Variants in U2AF2 observed in about 807,000 individuals in gnomAD.
U2AF2 encodes the protein splicing factor U2AF 65 kDa subunit.
U2AF2 carries 6 observed loss-of-function variants against 52.6 expected under a neutral mutation model. The observed-to-expected ratio is 0.11, with a 90% CI of 0.06 to 0.23. U2AF2 has a LOEUF of 0.23. Among genes scored for constraint, U2AF2 ranks in the 10% least tolerant of loss-of-function variants. U2AF2 has a pLI of 1.00. For synonymous variants in U2AF2, 284 were observed against 258.2 expected (o/e 1.10, Z -0.96); for missense variants, 222 against 677.1 (o/e 0.33, Z 7.46).
rs1160671715 is a variant in U2AF2 at position 55,660,891 on chromosome 19, G to A, written c.335-147G>A. The A allele has an allele frequency of 1.6e-5, 22 of 1,349,474 alleles. No homozygotes were observed. In the East Asian group the frequency reaches 1.8e-4, roughly 11 times the overall value. 83.6% of individuals were successfully genotyped at this position (1,349,474 alleles called of 1,614,324 possible). ...GCAGCAGTTACTGGGTGGGGGCCCC[G>A]AGGGTGGAAAGAGGGTTCTGGAAGG... On this transcript the variant is annotated intron_variant, in intron 4 of 11. Coordinates refer to ENST00000308924, the MANE Select transcript of U2AF2 (RefSeq NM_007279.3).
chr19:55,658,583 CT>C (rs949500682), intron 1 of U2AF2, among the ~76,000 whole-genome samples: 4 of 152,156 alleles, frequency 2.6e-5, no homozygotes, highest in African/African-American at 9.7e-5. Flanking sequence ...AGCTCCTCCC[CT>C]GACCTGCTGA....
intron 1 of U2AF2, among the ~76,000 whole-genome samples, chr19:55,656,391 C>T (rs774068151): frequency 1.3e-5 from 2 of 152,208 alleles, no homozygotes; most frequent in Non-Finnish European, 2.9e-5. Flanking sequence ...CTGACTCTGT[C>T]TTAGTTGATG....
chr19:55,671,477 C>T (rs1423738066), intron 11 of U2AF2: 1 of 152,138 alleles, frequency 6.6e-6, no homozygotes, highest in Non-Finnish European at 1.5e-5. Context: ...CTGGACAGGT[C>T]TGTGTTCCCA....
intron 11 of U2AF2, among the ~76,000 whole-genome samples, chr19:55,672,635 A>G (rs923075902): frequency 3.3e-5 from 5 of 152,132 alleles, no homozygotes; most frequent in African/African-American, 1.2e-4. Context: ...ACCTTAAAAA[A>G]TTGTTTTGTT....
chr19:55,667,577 A>G (rs1213469036), intron 7 of U2AF2, among the ~76,000 whole-genome samples: 3 of 152,094 alleles, frequency 2.0e-5, no homozygotes, highest in East Asian at 3.9e-4. Context: ...CCACTCTGGT[A>G]TGTCAGCCCT....
At chr19:55,658,757 T>C (rs1983962872) in intron 1 of U2AF2, 1 of 156,326 alleles carries the variant, frequency 6.4e-6, no homozygotes, top group African/African-American at 2.4e-5. Context: ...ACCTGACCCC[T>C]AGTCCTGATG....
At chr19:55,669,363 G>A in intron 10 of U2AF2, 81 bp from the exon 11 acceptor site, 4 of 1,544,012 alleles carry the variant, frequency 2.6e-6, no homozygotes, top group Non-Finnish European at 3.5e-6. Context: ...CCCTGGGGGG[G>A]CATGTGAGGG....
At chr19:55,660,714 A>G in intron 4 of U2AF2, 95 bp downstream of exon 4, 1 of 1,239,910 alleles carries the variant, frequency 8.1e-7, no homozygotes, top group Non-Finnish European at 1.1e-6. Flanking sequence ...GGAGGGGGTC[A>G]AAGACACAGG....
At chr19:55,658,285 T>C (rs945920258) in intron 1 of U2AF2, among the ~76,000 whole-genome samples, 7 of 151,974 alleles carry the variant, frequency 4.6e-5, no homozygotes, top group South Asian at 4.2e-4. Context: ...GTGGCGGTGC[T>C]CATGAACCCC....
intron 7 of U2AF2, among the ~76,000 whole-genome samples, chr19:55,664,512 G>C (rs183859555): frequency 3.9e-5 from 6 of 152,210 alleles, no homozygotes; most frequent in Admixed American, 3.9e-4. Flanking sequence ...GGGAGGGCTT[G>C]TCTGATGCCC....
chr19:55,661,072 C>T lies in U2AF2; in HGVS notation c.369C>T (p.Pro123=). The change falls in exon 5 of 12, where the codon CCC becomes CCT. Residue 123 remains proline, a synonymous_variant. Coordinates refer to ENST00000308924, the MANE Select transcript of U2AF2 (RefSeq NM_007279.3). The part of the protein sequence containing the change: ...AGQIPATALL[P]TMTPDGLAVT... Reference sequence around the variant, plus strand: ...AGATTCCAGCCACTGCTCTTCTCCCCACCATGACCCCTGACGGTCTGGCTG... The same window carrying T: ...AGATTCCAGCCACTGCTCTTCTCCCTACCATGACCCCTGACGGTCTGGCTG... 1.9e-6 allele frequency: 3 copies of T among 1,598,794 alleles called. No individual in the cohort carries two copies. The highest frequency in any genetic ancestry group is 2.6e-6 in the Non-Finnish European group (3 of 1,168,010).
chr19:55,669,779 C>G, intron 11 of U2AF2, 87 bp downstream of exon 11: 6 of 1,464,482 alleles, frequency 4.1e-6, no homozygotes, highest in Non-Finnish European at 4.5e-6. Context: ...CTCCCTCACC[C>G]TCTCCCCCTC....
chr19:55,657,856 C>G (rs980513703), intron 1 of U2AF2, among the ~76,000 whole-genome samples: 3 of 152,166 alleles, frequency 2.0e-5, no homozygotes, highest in African/African-American at 7.2e-5. Flanking sequence ...TGTGATCTCT[C>G]TATACCTTAG....
intron 1 of U2AF2, 53 bp from the exon 2 acceptor site, chr19:55,659,157 G>T (rs914755494): frequency 2.7e-6 from 4 of 1,466,846 alleles, no homozygotes; most frequent in Non-Finnish European, 3.6e-6. Context: ...GGGTGGGCTG[G>T]GCCCGCATCC....
chr19:55,674,057 G>C lies in U2AF2; in HGVS notation c.1417G>C (p.Asp473His), dbSNP rs1985115726. The part of the protein sequence containing the change: ...YCDPDSYHRR[D>H]FW ...TGACCCCGACTCTTATCACCGCCGGGACTTCTGGTAGAGGCGGCTGGGGGA... is the reference window on the plus strand; with the variant it reads ...TGACCCCGACTCTTATCACCGCCGGCACTTCTGGTAGAGGCGGCTGGGGGA... Residue 473 changes from aspartate to histidine, a missense_variant, in exon 12 of 12, where the codon GAC becomes CAC. Asp to His is a moderately conservative substitution (Grantham distance 81). This residue lies in a region of U2AF2 where 71 missense variants were observed against 180.6 expected (regional missense o/e 0.39). Coordinates refer to ENST00000308924, the MANE Select transcript of U2AF2 (RefSeq NM_007279.3). The C allele has an allele frequency of 6.8e-7, 1 of 1,473,040 alleles. No individual in the cohort carries two copies. Among genetic ancestry groups the C allele is most frequent in the East Asian group, 3.0e-5 (1 of 33,290 alleles). 91.2% of individuals were successfully genotyped at this position (1,473,040 alleles called of 1,614,324 possible). A position where few individuals can be genotyped will look rare whatever the true frequency, so the allele number is the denominator to read the frequency against.
chr19:55,664,534 G>A (rs1026860729), intron 7 of U2AF2, among the ~76,000 whole-genome samples: 9 of 152,182 alleles, frequency 5.9e-5, no homozygotes, highest in African/African-American at 1.9e-4. Flanking sequence ...GTCAGGGTGC[G>A]GCTGTGTCTC....
chr19:55,669,814 C>T lies in U2AF2; in HGVS notation c.1293+122C>T. The T allele has an allele frequency of 3.7e-6, 5 of 1,363,282 alleles. No individual in the cohort carries two copies. In the South Asian group the frequency reaches 4.6e-5, roughly 12 times the overall value. The allele number at this position is 1,363,282 out of a possible 1,614,324, so 84.4% of individuals were successfully genotyped here. A position where few individuals can be genotyped will look rare whatever the true frequency, so the allele number is the denominator to read the frequency against. ...CCTCTTCTCCGCGCGCTCTTTCTTC[C>T]TCTCTCTCTCCTCTCGCAGCGCGTG... is the stretch of plus-strand genomic sequence containing the variant. On this transcript the variant is annotated intron_variant, in intron 11 of 11. Coordinates refer to ENST00000308924, the MANE Select transcript of U2AF2 (RefSeq NM_007279.3).
chr19:55,667,056 A>G (rs1403288287), intron 7 of U2AF2, among the ~76,000 whole-genome samples: 1 of 152,080 alleles, frequency 6.6e-6, no homozygotes, highest in Non-Finnish European at 1.5e-5. Flanking sequence ...GGCTGCTGCT[A>G]CTTGTCCCTG....
chr19:55,661,499 GACACACACACACACACACACACACAC>G (rs59262812), intron 5 of U2AF2, among the ~76,000 whole-genome samples: 18 of 145,200 alleles, frequency 1.2e-4, no homozygotes, highest in African/African-American at 3.6e-4. Flanking sequence ...GGGAGACTTG[GACACACACACACACACACACACACAC>G]ACACACACAC....
Sources: allele counts gnomAD v4.1 joint callset (sites outside exome capture counted in the v4.1 genomes callset), GRCh38; gene constraint gnomAD v4.1.1; regional missense constraint gnomAD v4.1.1; transcripts MANE v1.5; gene names NCBI Gene and HGNC (gene_info 2026-07-23, HGNC 2026-07-21).